AFF3: variants seen among roughly 807,000 people sequenced by gnomAD.
AFF3 encodes the protein ALF transcription elongation factor 3.
A neutral mutation model predicts 129.7 loss-of-function variants in AFF3; 32 were observed. The ratio of observed to expected loss-of-function variants is 0.25; its 90% CI spans 0.19 to 0.33. The LOEUF (loss-of-function observed/expected upper bound fraction) is 0.33. Among genes scored for constraint, AFF3 ranks in the 10% least tolerant of loss-of-function variants. The probability of loss-of-function intolerance (pLI) is 1.00; values close to 1 mark genes in which losing one functional copy is unlikely to be tolerated. For missense variants in AFF3, 1,373 were observed against 1,592.0 expected (o/e 0.86, Z 2.34); for synonymous variants, 644 against 635.4 (o/e 1.01, Z -0.20).
chr2:99,842,721 G>T (rs1035012352), intron 7 of AFF3, among the ~76,000 whole-genome samples: 2 of 152,170 alleles, frequency 1.3e-5, no homozygotes, highest in Admixed American at 1.3e-4. Flanking sequence ...ACAGAACTAT[G>T]CTGTGGGTAA....
intron 4 of AFF3, among the ~76,000 whole-genome samples, chr2:100,061,742 C>A (rs573798004): frequency 6.6e-6 from 1 of 152,000 alleles, no homozygotes; most frequent in South Asian, 2.1e-4. Context: ...ATACCCCGAC[C>A]TACTCTGAGT....
intron 8 of AFF3, among the ~76,000 whole-genome samples, chr2:99,787,516 C>G (rs934426925): frequency 6.6e-6 from 1 of 152,146 alleles, no homozygotes; most frequent in South Asian, 2.1e-4. Context: ...CAGCTGTTGC[C>G]CAGCTCCCAG....
intron 8 of AFF3, among the ~76,000 whole-genome samples, chr2:99,784,168 T>G (rs759010608): frequency 1.2e-4 from 18 of 152,198 alleles, no homozygotes; most frequent in Admixed American, 4.6e-4. Context: ...GGAATCTGGA[T>G]ACAGCATCTG....
intron 7 of AFF3, among the ~76,000 whole-genome samples, chr2:99,939,921 T>C (rs1292351645): frequency 6.6e-6 from 1 of 152,164 alleles, no homozygotes; most frequent in Non-Finnish European, 1.5e-5. Flanking sequence ...CAATGATGGG[T>C]GTATTGTTCT....
intron 1 of AFF3, among the ~76,000 whole-genome samples, chr2:100,134,170 T>G (rs1370823244): frequency 6.6e-6 from 1 of 152,146 alleles, no homozygotes; most frequent in African/African-American, 2.4e-5. Flanking sequence ...AAATATCTAG[T>G]TTTTAAGGCT....
At chr2:99,935,876 C>T (rs111736106) in intron 7 of AFF3, among the ~76,000 whole-genome samples, 463 of 152,198 alleles carry the variant, frequency 3.0e-3, no homozygotes, top group Non-Finnish European at 4.6e-3. Context: ...GAGTCCCCAG[C>T]GACATGGAGG....
intron 4 of AFF3, among the ~76,000 whole-genome samples, chr2:100,053,407 G>A (rs1489161699): frequency 6.6e-6 from 1 of 152,190 alleles, no homozygotes; most frequent in Admixed American, 6.5e-5. Context: ...TAGAAACCTG[G>A]GACCTGTCAA....
intron 10 of AFF3, among the ~76,000 whole-genome samples, chr2:99,728,800 C>T (rs902438108): frequency 6.6e-6 from 1 of 152,202 alleles, no homozygotes; most frequent in South Asian, 2.1e-4. Context: ...GCTAAAGTAG[C>T]AAATTAATAA....
At chr2:99,654,889 A>G (rs1685607928) in intron 12 of AFF3, among the ~76,000 whole-genome samples, 1 of 152,232 alleles carries the variant, frequency 6.6e-6, no homozygotes, top group South Asian at 2.1e-4. Flanking sequence ...TGTATGCTAA[A>G]TGAATTACAA....
chr2:99,774,262 G>C (rs1390529475), intron 8 of AFF3, among the ~76,000 whole-genome samples: 3 of 152,092 alleles, frequency 2.0e-5, no homozygotes, highest in Non-Finnish European at 4.4e-5. Flanking sequence ...AACCAAAAAA[G>C]AGCCCAAATA....
chr2:99,930,799 A>G (rs572363689), intron 7 of AFF3, among the ~76,000 whole-genome samples: 4 of 152,324 alleles, frequency 2.6e-5, no homozygotes, highest in South Asian at 4.1e-4. Context: ...CTAGTCCCCA[A>G]ACACAAGCTC....
At chr2:99,955,893 A>C (rs1676595486) in intron 7 of AFF3, among the ~76,000 whole-genome samples, 1 of 152,182 alleles carries the variant, frequency 6.6e-6, no homozygotes, top group Admixed American at 6.5e-5. Flanking sequence ...ACATAGAGGC[A>C]GTTGTAAACA....
At chr2:100,054,985 T>C (rs571424311) in intron 4 of AFF3, among the ~76,000 whole-genome samples, 46 of 152,364 alleles carry the variant, frequency 3.0e-4, no homozygotes, top group Non-Finnish European at 4.0e-4. Context: ...GTAGAAATTT[T>C]ATCCCTGCTT....
rs13002317 is a variant in AFF3 at position 100,012,013 on chromosome 2, G to A, written c.54-3081C>T. Reference sequence around the variant, plus strand: ...AAAGCACTCCAAGATGCTTTATAAAGCATCCAGATTGCTAGATAAAATCCA... The same window carrying A: ...AAAGCACTCCAAGATGCTTTATAAAACATCCAGATTGCTAGATAAAATCCA... On this transcript the variant is annotated intron_variant, in intron 4 of 24. Transcript: ENST00000672756. Among the ~76,000 whole-genome samples, 1,307 of 152,152 alleles carry A rather than the reference G, an allele frequency of 8.6e-3. 9 individuals carry two copies. The highest frequency in any genetic ancestry group is 0.02 in the Middle Eastern group (6 of 294).
At chr2:99,707,216 C>T (rs1017362854) in intron 11 of AFF3, 2 of 985,378 alleles carry the variant, frequency 2.0e-6, no homozygotes, top group Non-Finnish European at 2.4e-6. Flanking sequence ...AGTTAAAAAG[C>T]CATCTCCTAC....
At chr2:99,923,460 T>G (rs748026391) in intron 7 of AFF3, among the ~76,000 whole-genome samples, 5 of 152,224 alleles carry the variant, frequency 3.3e-5, no homozygotes, top group Non-Finnish European at 7.3e-5. Flanking sequence ...TCGTTCACAT[T>G]CTACCCAAGT....
chr2:100,067,001 C>A (rs1244830840), intron 4 of AFF3, among the ~76,000 whole-genome samples: 2 of 152,144 alleles, frequency 1.3e-5, no homozygotes, highest in Non-Finnish European at 2.9e-5. Context: ...ACAAACACAA[C>A]CTGCAGAAAA....
At chr2:99,953,716 T>C (rs1458110571) in intron 7 of AFF3, among the ~76,000 whole-genome samples, 4 of 152,118 alleles carry the variant, frequency 2.6e-5, no homozygotes, top group Non-Finnish European at 4.4e-5. Flanking sequence ...TTTCTAAAAA[T>C]AGGTAAGAAA....
chr2:100,108,888 T>C (rs1297397331), intron 2 of AFF3, among the ~76,000 whole-genome samples: 1 of 149,808 alleles, frequency 6.7e-6, no homozygotes, highest in East Asian at 2.0e-4. Flanking sequence ...TGAGTGTTTC[T>C]GGGAATGTGC....
Sources: gnomAD v4.1 joint callset for allele counts (sites outside exome capture counted in the v4.1 genomes callset) on GRCh38, gnomAD v4.1.1 for gene constraint, MANE v1.5 for transcripts, NCBI Gene and HGNC (gene_info 2026-07-23, HGNC 2026-07-21) for gene names.